The following MYH10 variants were observed in gnomAD, a reference collection of about 807,000 sequenced individuals.
MYH10 encodes myosin heavy chain 10.
A neutral mutation model predicts 257.8 loss-of-function variants in MYH10; 55 were observed. That is an observed-to-expected ratio of 0.21 (90% CI 0.17 to 0.27). The LOEUF (loss-of-function observed/expected upper bound fraction) is 0.27, where lower values mean the gene tolerates loss of function less well. Among genes scored for constraint, MYH10 ranks in the 10% least tolerant of loss-of-function variants. The pLI is 1.00. For synonymous variants in MYH10, 854 were observed against 921.7 expected, an observed-to-expected ratio of 0.93 and a Z score of 1.33; for missense variants, 1,631 against 2,500.6, an observed-to-expected ratio of 0.65 and a Z score of 7.42.
At chr17:8,571,842 C>T (rs1174289556) in intron 6 of MYH10, among the ~76,000 whole-genome samples, 1 of 152,110 alleles carries the variant, frequency 6.6e-6, no homozygotes, top group East Asian at 1.9e-4. Flanking sequence ...GGTCAGCAGT[C>T]AGTTCCATCA....
intron 3 of MYH10, among the ~76,000 whole-genome samples, chr17:8,603,668 G>C (rs1422200428): frequency 6.6e-6 from 1 of 151,992 alleles, no homozygotes; most frequent in African/African-American, 2.4e-5. Context: ...AACAGAGACA[G>C]AACCAAAAAC....
chr17:8,618,369 A>G (rs2085344560), intron 2 of MYH10, among the ~76,000 whole-genome samples: 1 of 151,448 alleles, frequency 6.6e-6, no homozygotes, highest in South Asian at 2.1e-4. Flanking sequence ...CCTCCCAAGT[A>G]GCTGGGGCTA....
intron 17 of MYH10, among the ~76,000 whole-genome samples, chr17:8,523,614 G>C (rs544679073): frequency 3.9e-5 from 6 of 152,262 alleles, no homozygotes; most frequent in Admixed American, 1.3e-4. Flanking sequence ...TATGACACTC[G>C]CACTGGCTGC....
intron 13 of MYH10, among the ~76,000 whole-genome samples, chr17:8,543,067 A>G (rs2082336273): frequency 6.6e-6 from 1 of 152,230 alleles, no homozygotes; most frequent in Non-Finnish European, 1.5e-5. Context: ...GTGAATTAAT[A>G]GGTATAATTT....
chr17:8,553,056 CAAAGTAAA>C (rs1597811014), intron 8 of MYH10, among the ~76,000 whole-genome samples: 1 of 152,264 alleles, frequency 6.6e-6, no homozygotes, highest in East Asian at 1.9e-4. Context: ...CTGGGGCCAC[CAAAGTAAA>C]TTAATTCTGT....
chr17:8,572,361 T>C (rs985140915), intron 6 of MYH10, among the ~76,000 whole-genome samples: 1 of 152,062 alleles, frequency 6.6e-6, no homozygotes, highest in Non-Finnish European at 1.5e-5. Context: ...ACTCGGTCAG[T>C]ATCAGGTCAA....
intron 2 of MYH10, among the ~76,000 whole-genome samples, chr17:8,607,414 A>G (rs1004739959): frequency 1.1e-4 from 16 of 152,244 alleles, no homozygotes; most frequent in African/African-American, 2.9e-4. Flanking sequence ...CTACAATAAG[A>G]GAGAATAAGT....
chr17:8,497,633 G>T (rs538842733), intron 30 of MYH10, among the ~76,000 whole-genome samples: 14 of 148,274 alleles, frequency 9.4e-5, no homozygotes, highest in Middle Eastern at 3.7e-3. Flanking sequence ...CAGCTACCCA[G>T]GAGGCTGAGG....
chr17:8,620,701 C>T (rs2085431108), intron 2 of MYH10, among the ~76,000 whole-genome samples: 3 of 152,148 alleles, frequency 2.0e-5, no homozygotes, highest in Non-Finnish European at 2.9e-5. Context: ...TATCACAATG[C>T]TAGCATGGCT....
rs2083877169 is a variant in MYH10, at chr17:8,585,327, G to GT, written c.530+3753_530+3754insA. 6.6e-5 allele frequency among the ~76,000 whole-genome samples: 6 copies of GT among 90,776 alleles called. No individual in the cohort carries two copies. In the Admixed American group the frequency reaches 6.7e-4, roughly 10 times the overall value. The allele number at this position is 90,776 out of a possible 152,430, so 59.6% of individuals were successfully genotyped here. On this transcript the variant is annotated intron_variant, in intron 4 of 42. Coordinates refer to ENST00000360416, the MANE Select transcript of MYH10 (RefSeq NM_001256012.3). ...ATATAGCTACATATGGAAAGTTTGTGAAGTTGACTAAACAGTTTTTTAATA... is the reference window on the plus strand; with the variant it reads ...ATATAGCTACATATGGAAAGTTTGTGTAAGTTGACTAAACAGTTTTTTAATA...
chr17:8,567,590 T>C (rs1184448500), intron 7 of MYH10, among the ~76,000 whole-genome samples: 3 of 152,036 alleles, frequency 2.0e-5, no homozygotes, highest in African/African-American at 4.8e-5. Flanking sequence ...AAAGGGTCAT[T>C]AGGGTGCACC....
intron 4 of MYH10, among the ~76,000 whole-genome samples, chr17:8,581,617 C>A (rs572714063): frequency 6.6e-6 from 1 of 152,204 alleles, no homozygotes; most frequent in African/African-American, 2.4e-5. Context: ...CATTCAAAAC[C>A]TTACTGTTGA....
chr17:8,605,103 T>A, intron 2 of MYH10, 121 bp from the exon 3 acceptor site: 1 of 511,076 alleles, frequency 2.0e-6, no homozygotes, highest in Non-Finnish European at 3.2e-6. Flanking sequence ...TTTGGATAAT[T>A]AATCTATCCC....
At chr17:8,531,371 T>C (rs572445807) in intron 16 of MYH10, among the ~76,000 whole-genome samples, 10 of 151,992 alleles carry the variant, frequency 6.6e-5, no homozygotes, top group Admixed American at 2.0e-4. Context: ...TTCCTCAATA[T>C]AAGCTTTAAG....
chr17:8,475,744 G>C lies in MYH10; in HGVS notation c.*60C>G, dbSNP rs530354358. 3 of 1,558,370 alleles carry C rather than the reference G, an allele frequency of 1.9e-6. No individual in the cohort carries two copies. Among genetic ancestry groups the C allele is most frequent in the Non-Finnish European group, 2.6e-6 (3 of 1,149,592 alleles). On this transcript the variant is annotated 3_prime_UTR_variant, in exon 43 of 43. Transcript: ENST00000360416. ...GCTTGCCAATTTCCGAAATCTGCAG[G>C]AGGCCCCGGGTGCATTCCTAACTGT...
intron 7 of MYH10, among the ~76,000 whole-genome samples, chr17:8,566,754 C>T (rs949358737): frequency 2.6e-5 from 4 of 152,182 alleles, no homozygotes; most frequent in African/African-American, 9.7e-5. Flanking sequence ...TCATTTGTTA[C>T]GTAGCAACTG....
chr17:8,529,850 G>T (rs545275177), intron 17 of MYH10, among the ~76,000 whole-genome samples: 2 of 152,248 alleles, frequency 1.3e-5, no homozygotes, highest in East Asian at 3.9e-4. Flanking sequence ...CATTCGGAAG[G>T]CTGGGTGGGC....
At chr17:8,533,031 C>A (rs912262117) in intron 16 of MYH10, among the ~76,000 whole-genome samples, 1 of 152,128 alleles carries the variant, frequency 6.6e-6, no homozygotes, top group Non-Finnish European at 1.5e-5. Flanking sequence ...GAAGAGAAAA[C>A]CAGTTTTTGA....
At position 8,506,812 on chromosome 17, in the gene MYH10, C is replaced by T. The variant is rs1312389724; in HGVS notation, c.3215-323G>A. Among the ~76,000 whole-genome samples, 6 of 152,174 alleles carry T rather than the reference C, an allele frequency of 3.9e-5. No individual in the cohort carries two copies. Among genetic ancestry groups the T allele is most frequent in the Non-Finnish European group, 8.8e-5 (6 of 68,026 alleles). On this transcript the variant is annotated intron_variant, in intron 26 of 42. Coordinates refer to ENST00000360416, the MANE Select transcript of MYH10 (RefSeq NM_001256012.3). The surrounding 1 kb of genome is among the most constrained non-coding windows in gnomAD (Gnocchi z 5.0). ...CTCATGTCAAACACATCACTGTACC[C>T]AGGTTTGCAAAGTGGCTCAGCAGGT...
Sources: allele counts gnomAD v4.1 joint callset (sites outside exome capture counted in the v4.1 genomes callset), GRCh38; gene constraint gnomAD v4.1.1; non-coding constraint Gnocchi (gnomAD v3.1); transcripts MANE v1.5; gene names NCBI Gene and HGNC (gene_info 2026-07-23, HGNC 2026-07-21).